The following NCOR2 variants were observed in gnomAD, a reference collection of about 807,000 sequenced individuals.
NCOR2 encodes the protein nuclear receptor corepressor 2.
Under a neutral mutation model 262.9 loss-of-function variants are expected in NCOR2, and 81 were observed. That is an observed-to-expected ratio of 0.31 (90% CI 0.26 to 0.37). The LOEUF (loss-of-function observed/expected upper bound fraction) is 0.37, where lower values mean the gene tolerates loss of function less well. Among genes scored for constraint, NCOR2 ranks in the 10% least tolerant of loss-of-function variants. The pLI is 1.00. For synonymous variants in NCOR2, 1,659 were observed against 1,559.3 expected (o/e 1.06, Z -1.51); for missense variants, 3,385 against 3,621.4 (o/e 0.93, Z 1.68).
rs55965573 is a variant in NCOR2, at chr12:124,428,044, AGTGTGTGTGTGTGTGTGT to A, written c.1150-1262_1150-1245del. ...CTGATGACTGCATTCCCATGTGGCCAGTGTGTGTGTGTGTGTGTGTGTGTGTGTGTGTGTGTGTGTGTG... is the reference window on the plus strand; with the variant it reads ...CTGATGACTGCATTCCCATGTGGCCAGTGTGTGTGTGTGTGTGTGTGTGTG... On this transcript the variant is annotated intron_variant, in intron 10 of 46. Coordinates refer to ENST00000405201, the Ensembl canonical transcript of NCOR2. Among the ~76,000 whole-genome samples the A allele has an allele frequency of 7.1e-5, 8 of 112,490 alleles. 1 individual carries two copies. The highest frequency in any genetic ancestry group is 9.7e-5 in the Non-Finnish European group (5 of 51,382). The allele number at this position is 112,490 out of a possible 152,430, so 73.8% of individuals were successfully genotyped here. A position where few individuals can be genotyped will look rare whatever the true frequency, so the allele number is the denominator to read the frequency against.
At chr12:124,355,495 A>G in exon 24 of NCOR2, 1 of 1,610,568 alleles carries the variant, frequency 6.2e-7, no homozygotes, top group Non-Finnish European at 8.5e-7. Context: ...AGATGAGGGG[A>G]GGCGGGTTGG....
At chr12:124,516,650 G>A (rs2049812133) in intron 1 of NCOR2, among the ~76,000 whole-genome samples, 1 of 152,048 alleles carries the variant, frequency 6.6e-6, no homozygotes, top group Non-Finnish European at 1.5e-5. Context: ...CTGTGGTAAA[G>A]GACAAGGAAA....
In NCOR2 at chr12:124,531,571, A is replaced by T. The variant is rs570767328; in HGVS notation, c.-118+3994T>A. Among the ~76,000 whole-genome samples, 1 of 151,972 alleles carries T rather than the reference A, an allele frequency of 6.6e-6. No individual in the cohort carries two copies. The highest frequency in any genetic ancestry group is 2.1e-4 in the South Asian group (1 of 4,808). ...TGCAGGGAGCCCCCGCCCAGGGCTGAGCATCCAGGCTGGGAAGGAGAGAGA... is the reference window on the plus strand; with the variant it reads ...TGCAGGGAGCCCCCGCCCAGGGCTGTGCATCCAGGCTGGGAAGGAGAGAGA... On this transcript the variant is annotated intron_variant, in intron 1 of 46. Transcript: ENST00000404621. The surrounding 1 kb of genome is among the most constrained non-coding windows in gnomAD (Gnocchi z 4.5).
At chr12:124,511,316 C>G (rs986358995) in intron 1 of NCOR2, among the ~76,000 whole-genome samples, 13 of 152,244 alleles carry the variant, frequency 8.5e-5, no homozygotes, top group Non-Finnish European at 1.5e-4. Context: ...ATCCCCACTC[C>G]TGGAAGCCCC....
chr12:124,550,832 G>T (rs996732419), intron 1 of NCOR2, among the ~76,000 whole-genome samples: 2 of 152,176 alleles, frequency 1.3e-5, no homozygotes, highest in Non-Finnish European at 2.9e-5. Flanking sequence ...ACCAGGAGAA[G>T]CCCAGAGCTG....
chr12:124,463,025 T>C (rs1210812493), intron 5 of NCOR2, among the ~76,000 whole-genome samples: 1 of 152,166 alleles, frequency 6.6e-6, no homozygotes. Context: ...GCCTTCTACC[T>C]TTCCCCAGTC....
intron 1 of NCOR2, among the ~76,000 whole-genome samples, chr12:124,502,241 T>G (rs140672227): frequency 3.6e-4 from 55 of 152,342 alleles, no homozygotes; most frequent in Non-Finnish European, 3.2e-4. Context: ...GAGCTCCTGC[T>G]GCCCGGCCTG....
chr12:124,388,547 G>A, intron 16 of NCOR2: 1 of 893,304 alleles, frequency 1.1e-6, no homozygotes, highest in South Asian at 1.6e-5. Flanking sequence ...GGAAAGGATG[G>A]GCTGGGACCC....
chr12:124,537,729 G>C (rs1056175573), upstream of NCOR2: 1 of 152,308 alleles, frequency 6.6e-6, no homozygotes, highest in South Asian at 2.1e-4. Context: ...GCCAAGCTCC[G>C]AGAGGCCAGC....
At chr12:124,535,771 C>T (rs1202666219), upstream of NCOR2, among the ~76,000 whole-genome samples, 1 of 152,210 alleles carries the variant, frequency 6.6e-6, no homozygotes, top group Non-Finnish European at 1.5e-5. Context: ...GAGGCAGGTA[C>T]TGCTACCTAT....
intron 1 of NCOR2, among the ~76,000 whole-genome samples, chr12:124,512,903 A>G (rs551599670): frequency 6.6e-6 from 1 of 152,352 alleles, no homozygotes; most frequent in Admixed American, 6.5e-5. Context: ...CCACAGGCCA[A>G]GAAGCTTGAA....
In NCOR2 at chr12:124,363,810, AC is replaced by A. The variant is rs2038801592; in HGVS notation, c.2808-12del. On this transcript the variant is annotated splice_polypyrimidine_tract_variant and intron_variant, in intron 20 of 46. Transcript: ENST00000405201. ...CTTGGGGACAGCAGCCTGCGGGCAC[AC>A]GAGCACCATCAGCTGGGGGCCCACA... is the stretch of plus-strand genomic sequence containing the variant. 7.5e-7 allele frequency: 1 copy of A among 1,337,124 alleles called. No individual in the cohort carries two copies. Among genetic ancestry groups the A allele is most frequent in the Non-Finnish European group, 9.6e-7 (1 of 1,037,832 alleles). 82.8% of individuals were successfully genotyped at this position (1,337,124 alleles called of 1,614,324 possible).
rs775789883 is a variant in NCOR2 at position 124,333,289 on chromosome 12, GAA to G, written c.6606-12_6606-11del. On this transcript the variant is annotated splice_polypyrimidine_tract_variant and intron_variant, in intron 41 of 46. Coordinates refer to ENST00000405201, the Ensembl canonical transcript of NCOR2. ...GTTTGGCTCTGGAGACCTGGATGGA[GAA>G]AGGGCCCCAGATGTGGTCAGAGGTC... 9.4e-6 allele frequency: 15 copies of G among 1,594,386 alleles called. No individual in the cohort carries two copies. In the Admixed American group the frequency reaches 1.2e-4, roughly 13 times the overall value.
chr12:124,431,784 GACAC>G (rs565461701), intron 8 of NCOR2, among the ~76,000 whole-genome samples: 1 of 149,842 alleles, frequency 6.7e-6, no homozygotes, highest in Non-Finnish European at 1.5e-5. Flanking sequence ...TCACATGGCA[GACAC>G]ACAGACAGAT....
intron 1 of NCOR2, among the ~76,000 whole-genome samples, chr12:124,554,745 A>G (rs2051829558): frequency 6.6e-6 from 1 of 152,240 alleles, no homozygotes; most frequent in Non-Finnish European, 1.5e-5. Context: ...CCGCTGCGGC[A>G]AGGGGGCAGC....
chr12:124,410,569 C>A (rs948023902), intron 13 of NCOR2, among the ~76,000 whole-genome samples: 1 of 152,060 alleles, frequency 6.6e-6, no homozygotes, highest in African/African-American at 2.4e-5. Flanking sequence ...TCGGCACCAC[C>A]GGAAGGCTGT....
At chr12:124,447,980 G>A (rs1175650804) in intron 7 of NCOR2, among the ~76,000 whole-genome samples, 1 of 152,188 alleles carries the variant, frequency 6.6e-6, no homozygotes, top group East Asian at 1.9e-4. Flanking sequence ...CACTGCACCC[G>A]GCTGTATTAG....
Position 124,457,230 on chromosome 12 carries a change from C to T in NCOR2, c.706-68G>A. On this transcript the variant is annotated intron_variant, in intron 5 of 46. Transcript: ENST00000405201. This position sits in a 1 kb window ranked among gnomAD's most constrained non-coding sequence, Gnocchi z 4.0. ...AAAAAACACAGATTATAAATAGAGG[C>T]TTCCCGGAGCAGCGGGCACCTGCCC... The T allele has an allele frequency of 2.0e-6, 3 of 1,466,574 alleles. No individual in the cohort carries two copies. Among genetic ancestry groups the T allele is most frequent in the Non-Finnish European group, 2.7e-6 (3 of 1,107,762 alleles). The allele number at this position is 1,466,574 out of a possible 1,614,324, so 90.8% of individuals were successfully genotyped here. A position where few individuals can be genotyped will look rare whatever the true frequency, so the allele number is the denominator to read the frequency against.
chr12:124,419,932 C>T, intron 13 of NCOR2, 25 bp downstream of exon 15: 2 of 1,600,986 alleles, frequency 1.2e-6, no homozygotes, highest in Non-Finnish European at 8.6e-7. Context: ...CCTGCAAGGA[C>T]AGTCACCCCC....
Sources: gnomAD v4.1 joint callset for allele counts (sites outside exome capture counted in the v4.1 genomes callset) on GRCh38, gnomAD v4.1.1 for gene constraint, Gnocchi (gnomAD v3.1) non-coding constraint, MANE v1.5 for transcripts, NCBI Gene and HGNC (gene_info 2026-07-23, HGNC 2026-07-21) for gene names.